Variants in CHPT1 observed in about 807,000 individuals in gnomAD.
The protein encoded by CHPT1 is cholinephosphotransferase 1.
Under a neutral mutation model 47.6 loss-of-function variants are expected in CHPT1, and 36 were observed. The ratio of observed to expected loss-of-function variants is 0.76; its 90% CI spans 0.58 to 1.00. The LOEUF is 1.00. CHPT1 is among the 50% of genes least tolerant of loss of function. The pLI is 0.00. For synonymous variants in CHPT1, 194 were observed against 186.3 expected (o/e 1.04, Z -0.33); for missense variants, 458 against 498.1 (o/e 0.92, Z 0.77).
intron 1 of CHPT1, 101 bp downstream of exon 1, chr12:101,698,235 C>A: frequency 7.5e-7 from 1 of 1,339,948 alleles, no homozygotes; most frequent in South Asian, 1.8e-5. Context: ...TGAGCCTCTC[C>A]CGGGCCCCGG....
chr12:101,721,798 C>T (rs757807461), intron 5 of CHPT1, among the ~76,000 whole-genome samples: 6 of 152,118 alleles, frequency 3.9e-5, no homozygotes, highest in African/African-American at 1.2e-4. Context: ...CGGTGGCTCA[C>T]GCTTGTAATC....
chr12:101,705,725 G>A (rs1026189126), intron 1 of CHPT1, among the ~76,000 whole-genome samples: 2 of 125,774 alleles, frequency 1.6e-5, no homozygotes, highest in African/African-American at 6.3e-5. Flanking sequence ...AAAACCTGGG[G>A]CATGTATTCT....
chr12:101,700,323 G>GAAA (rs5800482), intron 1 of CHPT1, among the ~76,000 whole-genome samples: 1 of 132,718 alleles, frequency 7.5e-6, no homozygotes, highest in African/African-American at 2.8e-5. Flanking sequence ...AGCCTCATGT[G>GAAA]AAAAAAAAAA....
At chr12:101,725,295 T>A (rs947367528) in intron 7 of CHPT1, among the ~76,000 whole-genome samples, 3 of 151,918 alleles carry the variant, frequency 2.0e-5, no homozygotes, top group African/African-American at 7.3e-5. Context: ...ACAATGAACG[T>A]TTTCAGGCAA....
At chr12:101,714,258 AT>A in intron 2 of CHPT1, 21 bp downstream of exon 2, 1 of 1,538,728 alleles carries the variant, frequency 6.5e-7, no homozygotes, top group Admixed American at 2.3e-5. Flanking sequence ...GGAGTTTTTT[AT>A]TTTTTTATGA....
intron 1 of CHPT1, among the ~76,000 whole-genome samples, chr12:101,701,886 G>T (rs1486237099): frequency 6.6e-6 from 1 of 152,092 alleles, no homozygotes. Context: ...TTCAGTTTTA[G>T]CTGTTCTTGG....
chr12:101,702,309 C>T (rs1951564717), intron 1 of CHPT1, among the ~76,000 whole-genome samples: 1 of 152,068 alleles, frequency 6.6e-6, no homozygotes, highest in South Asian at 2.1e-4. Context: ...CATATAAATC[C>T]ATGTCAGTGT....
At chr12:101,720,962 C>T (rs1281959913) in intron 5 of CHPT1, among the ~76,000 whole-genome samples, 2 of 152,040 alleles carry the variant, frequency 1.3e-5, no homozygotes, top group Non-Finnish European at 2.9e-5. Flanking sequence ...CCAGTGATAC[C>T]ATCTTATACC....
chr12:101,714,692 A>T (rs753320148), intron 3 of CHPT1, 47 bp downstream of exon 3: 4 of 1,543,758 alleles, frequency 2.6e-6, no homozygotes, highest in Non-Finnish European at 2.6e-6. Flanking sequence ...AATTGAATTC[A>T]TTTGCACAAT....
At chr12:101,727,996 TCC>T (rs1952007735) in intron 8 of CHPT1, 1 of 152,300 alleles carries the variant, frequency 6.6e-6, no homozygotes. Context: ...ACACCTGTAA[TCC>T]CAGCACTTTG....
At chr12:101,719,535 A>C in intron 4 of CHPT1, 1 of 1,282,888 alleles carries the variant, frequency 7.8e-7, no homozygotes, top group Non-Finnish European at 1.0e-6. Context: ...ATTGCTAGAG[A>C]TTTAATCCTG....
chr12:101,701,041 G>T (rs767944083), intron 1 of CHPT1, among the ~76,000 whole-genome samples: 39 of 152,144 alleles, frequency 2.6e-4, no homozygotes, highest in South Asian at 4.1e-4. Flanking sequence ...AATAACATTT[G>T]ATACGTTTTT....
chr12:101,700,896 A>G (rs1392988131), intron 1 of CHPT1, among the ~76,000 whole-genome samples: 1 of 152,228 alleles, frequency 6.6e-6, no homozygotes, highest in Non-Finnish European at 1.5e-5. Flanking sequence ...TGATTCTCAG[A>G]CTTAAGAATT....
Position 101,714,334 on chromosome 12 carries a change from C to T in CHPT1, c.421+97C>T. ...TTTTGGATGGATATACATTTGGGAGCAAATGTATGGAGTTGTTTAAAAAGT... is the reference window on the plus strand; with the variant it reads ...TTTTGGATGGATATACATTTGGGAGTAAATGTATGGAGTTGTTTAAAAAGT... On this transcript the variant is annotated intron_variant, in intron 2 of 8. Transcript: ENST00000229266. The T allele has an allele frequency of 4.1e-6, 5 of 1,223,358 alleles. No homozygotes were observed. The South Asian group carries it at 7.9e-5, about 19-fold the overall frequency. The allele number at this position is 1,223,358 out of a possible 1,614,324, so 75.8% of individuals were successfully genotyped here.
intron 7 of CHPT1, 65 bp downstream of exon 7, chr12:101,723,912 C>T: frequency 8.2e-7 from 1 of 1,220,502 alleles, no homozygotes; most frequent in Admixed American, 2.1e-5. Flanking sequence ...AGTGAGCTAT[C>T]AGTAGCCTCA....
At chr12:101,706,765 CAATT>C (rs1210343413) in intron 1 of CHPT1, among the ~76,000 whole-genome samples, 2 of 152,314 alleles carry the variant, frequency 1.3e-5, no homozygotes, top group Non-Finnish European at 2.9e-5. Context: ...AATTATGAAA[CAATT>C]AATGACTTAT....
In CHPT1 at chr12:101,697,698, C is replaced by CCGGG. The variant is rs572292595; in HGVS notation, c.-162_-159dup. 0.018 allele frequency: 3,074 copies of CCGGG among 174,650 alleles called. 36 individuals are homozygous for CCGGG. Among genetic ancestry groups the CCGGG allele is most frequent in the Non-Finnish European group, 0.023 (1,956 of 85,804 alleles). The allele number at this position is 174,650 out of a possible 1,614,324, so 10.8% of individuals were successfully genotyped here. A position where few individuals can be genotyped will look rare whatever the true frequency, so the allele number is the denominator to read the frequency against. Reference sequence around the variant, plus strand: ...GCTTCTGGGGCTGGGGCCCCGGCAGCCGGGCAGGCCGGCCTGACCTCGACC... The same window carrying CCGGG: ...GCTTCTGGGGCTGGGGCCCCGGCAGCCGGGCGGGCAGGCCGGCCTGACCTCGACC... On this transcript the variant is annotated 5_prime_UTR_variant, in exon 1 of 9. Transcript: ENST00000229266.
intron 1 of CHPT1, among the ~76,000 whole-genome samples, chr12:101,699,791 G>A (rs1319575391): frequency 1.3e-5 from 2 of 152,102 alleles, no homozygotes; most frequent in Non-Finnish European, 2.9e-5. Context: ...TGGCTGTTTT[G>A]CTGCCTGTTT....
Position 101,697,899 on chromosome 12 carries a change from G to GGCTGAGGGCGCTGAGCGAGCC in CHPT1, c.45_65dup (p.Arg15_Leu21dup). 7.6e-7 allele frequency: 1 copy of GGCTGAGGGCGCTGAGCGAGCC among 1,323,430 alleles called. No individual in the cohort carries two copies. Among genetic ancestry groups the GGCTGAGGGCGCTGAGCGAGCC allele is most frequent in the South Asian group, 1.9e-5 (1 of 52,312 alleles). The allele number at this position is 1,323,430 out of a possible 1,614,324, so 82.0% of individuals were successfully genotyped here. A position where few individuals can be genotyped will look rare whatever the true frequency, so the allele number is the denominator to read the frequency against. ...GCCGGGGCCGGGTCCGCGCCGCGCT[G>GGCTGAGGGCGCTGAGCGAGCC]GCTGAGGGCGCTGAGCGAGCCGCTG... On this transcript the variant is annotated inframe_insertion, in exon 1 of 9. Coordinates refer to ENST00000229266, the MANE Select transcript of CHPT1 (RefSeq NM_020244.3).
Sources: allele counts gnomAD v4.1 joint callset (sites outside exome capture counted in the v4.1 genomes callset), GRCh38; gene constraint gnomAD v4.1.1; transcripts MANE v1.5; gene names NCBI Gene and HGNC (gene_info 2026-07-23, HGNC 2026-07-21).